The following RPTOR variants were observed in gnomAD, a reference collection of about 807,000 sequenced individuals.
The protein encoded by RPTOR is regulatory associated protein of MTOR complex 1, also known as regulatory-associated protein of mTOR.
Under a neutral mutation model 169.9 loss-of-function variants are expected in RPTOR, and 21 were observed. The ratio of observed to expected loss-of-function variants is 0.12; its 90% CI spans 0.09 to 0.18. RPTOR has a LOEUF of 0.18. Ranked by LOEUF, RPTOR falls within the 10% of genes least tolerant of loss-of-function variation. RPTOR has a pLI of 1.00. For missense variants in RPTOR, 1,133 were observed against 1,855.9 expected (o/e 0.61, Z 7.16); for synonymous variants, 732 against 753.2 (o/e 0.97, Z 0.46).
intron 1 of RPTOR, among the ~76,000 whole-genome samples, chr17:80,552,198 T>A (rs2084354408): frequency 2.6e-5 from 4 of 152,250 alleles, no homozygotes; most frequent in Non-Finnish European, 5.9e-5. Context: ...CAGATTCTGT[T>A]ACTTCCTTAC....
At chr17:80,548,355 C>T (rs1057082230) in intron 1 of RPTOR, among the ~76,000 whole-genome samples, 5 of 148,004 alleles carry the variant, frequency 3.4e-5, no homozygotes, top group Admixed American at 6.8e-5. Flanking sequence ...TCAGCCAACA[C>T]GCTCAGCCTG....
chr17:80,887,163 C>T (rs950332055), intron 17 of RPTOR, among the ~76,000 whole-genome samples: 1 of 151,904 alleles, frequency 6.6e-6, no homozygotes, highest in Non-Finnish European at 1.5e-5. Flanking sequence ...CACCTGTGAC[C>T]AAGCGGGCTG....
intron 3 of RPTOR, among the ~76,000 whole-genome samples, chr17:80,648,533 G>A (rs576085048): frequency 6.6e-6 from 1 of 152,188 alleles, no homozygotes; most frequent in South Asian, 2.1e-4. Context: ...CACACTGCTA[G>A]GTGTGGTGGG....
intron 3 of RPTOR, among the ~76,000 whole-genome samples, chr17:80,681,397 G>A (rs964962304): frequency 6.6e-6 from 1 of 152,186 alleles, no homozygotes; most frequent in Non-Finnish European, 1.5e-5. Flanking sequence ...CCCTGCTAGA[G>A]TGCGTGCGTG....
chr17:80,566,823 CAAAAAAAAAAAA>C (rs56295360), intron 1 of RPTOR, among the ~76,000 whole-genome samples: 3 of 83,980 alleles, frequency 3.6e-5, no homozygotes, highest in African/African-American at 5.0e-5. Context: ...GACTCCGTCT[CAAAAAAAAAAAA>C]AAAAAAAAAA....
At chr17:80,572,304 T>C (rs2064915261) in intron 1 of RPTOR, among the ~76,000 whole-genome samples, 1 of 152,188 alleles carries the variant, frequency 6.6e-6, no homozygotes, top group South Asian at 2.1e-4. Context: ...GGTTTTGCCA[T>C]GTTTCCCAGG....
At chr17:80,898,271 G>C (rs1234083558) in intron 20 of RPTOR, among the ~76,000 whole-genome samples, 2 of 152,146 alleles carry the variant, frequency 1.3e-5, no homozygotes, top group Non-Finnish European at 2.9e-5. Context: ...AATCTCTGCT[G>C]TCTCTTTATT....
chr17:80,923,731 G>T, intron 23 of RPTOR, 58 bp downstream of exon 23: 1 of 1,476,578 alleles, frequency 6.8e-7, no homozygotes, highest in Non-Finnish European at 9.1e-7. Context: ...TCTCAGATGG[G>T]GGCTCATGGC....
chr17:80,737,968 A>G (rs1178778602), intron 5 of RPTOR, among the ~76,000 whole-genome samples: 1 of 151,904 alleles, frequency 6.6e-6, no homozygotes, highest in East Asian at 1.9e-4. Context: ...CAGAACGGCC[A>G]TCCCCAAAGC....
chr17:80,855,345 C>T (rs745734835), intron 11 of RPTOR, 119 bp from the exon 12 acceptor site: 11 of 716,524 alleles, frequency 1.5e-5, no homozygotes, highest in Non-Finnish European at 2.2e-5. Flanking sequence ...GTAACTGAAG[C>T]AGCAGACAGA....
intron 3 of RPTOR, among the ~76,000 whole-genome samples, chr17:80,678,527 G>A (rs1204393970): frequency 6.6e-6 from 1 of 152,226 alleles, no homozygotes; most frequent in African/African-American, 2.4e-5. Context: ...GGTCGGGCAT[G>A]TTGGGTTAAG....
At chr17:80,644,289 T>G (rs1031054875) in intron 3 of RPTOR, among the ~76,000 whole-genome samples, 1 of 149,862 alleles carries the variant, frequency 6.7e-6, no homozygotes, top group Non-Finnish European at 1.5e-5. Context: ...AGGGAGCCAG[T>G]TACCAATTAG....
In RPTOR at chr17:80,554,700, C is replaced by A. The variant is rs951598851; in HGVS notation, c.162+8909C>A. 1.3e-5 allele frequency among the ~76,000 whole-genome samples: 2 copies of A among 151,850 alleles called. 1 individual carries two copies. The highest frequency in any genetic ancestry group is 4.8e-5 in the African/African-American group (2 of 41,338). The stretch of plus-strand genomic sequence containing the variant: ...CAGAGCTTGCAGTGAGCTGAGATTG[C>A]GCCACTGCACTCCAGCCTGGGTGAC... On this transcript the variant is annotated intron_variant, in intron 1 of 33. Transcript: ENST00000306801.
At chr17:80,641,939 T>C (rs2065557512) in intron 2 of RPTOR, among the ~76,000 whole-genome samples, 1 of 152,194 alleles carries the variant, frequency 6.6e-6, no homozygotes, top group Non-Finnish European at 1.5e-5. Context: ...TGCTGTTTGA[T>C]AGCATTTTAC....
intron 3 of RPTOR, among the ~76,000 whole-genome samples, chr17:80,684,483 G>A (rs35004819): frequency 0.097 from 14,447 of 149,654 alleles, 781 homozygotes; most frequent in Middle Eastern, 0.14. Flanking sequence ...TCGCTCTGCC[G>A]CCCAGGCTGG....
At chr17:80,888,869 T>G (rs1162596410) in intron 17 of RPTOR, among the ~76,000 whole-genome samples, 1 of 152,152 alleles carries the variant, frequency 6.6e-6, no homozygotes, top group Non-Finnish European at 1.5e-5. Context: ...GGGTGGCAGC[T>G]GAGCAGAGCC....
intron 9 of RPTOR, among the ~76,000 whole-genome samples, chr17:80,826,754 C>T (rs931891097): frequency 6.6e-6 from 1 of 152,246 alleles, no homozygotes; most frequent in African/African-American, 2.4e-5. Flanking sequence ...CAGTGGGGTG[C>T]ACAGGGTGGG....
At chr17:80,685,397 T>C (rs2065932224) in intron 3 of RPTOR, among the ~76,000 whole-genome samples, 1 of 151,396 alleles carries the variant, frequency 6.6e-6, no homozygotes, top group Non-Finnish European at 1.5e-5. Context: ...CACCTCAGCC[T>C]CCTGAGTAGC....
chr17:80,776,011 G>GTTT (rs1202947558), intron 6 of RPTOR, among the ~76,000 whole-genome samples: 1 of 142,176 alleles, frequency 7.0e-6, no homozygotes, highest in Non-Finnish European at 1.5e-5. Flanking sequence ...CTTGCAAGGA[G>GTTT]TTTTTTCCTG....
Sources: gnomAD v4.1 joint callset for allele counts (sites outside exome capture counted in the v4.1 genomes callset) on GRCh38, gnomAD v4.1.1 for gene constraint, MANE v1.5 for transcripts, NCBI Gene and HGNC (gene_info 2026-07-23, HGNC 2026-07-21) for gene names.